Variants in PPFIA2 observed in about 807,000 individuals in gnomAD.
PPFIA2 encodes the protein liprin-alpha-2.
PPFIA2 carries 46 observed loss-of-function variants against 175.5 expected under a neutral mutation model. That is an observed-to-expected ratio of 0.26 (90% CI 0.21 to 0.34). The LOEUF is 0.34. Among genes scored for constraint, PPFIA2 ranks in the 10% least tolerant of loss-of-function variants. The pLI, the probability that PPFIA2 is intolerant of heterozygous loss-of-function variation, is 1.00. For synonymous variants in PPFIA2, 568 were observed against 511.4 expected, an observed-to-expected ratio of 1.11 and a Z score of -1.49; for missense variants, 1,179 against 1,506.1, an observed-to-expected ratio of 0.78 and a Z score of 3.60.
intron 4 of PPFIA2, among the ~76,000 whole-genome samples, chr12:81,593,857 T>G (rs563047462): frequency 6.6e-6 from 1 of 152,172 alleles, no homozygotes; most frequent in Admixed American, 6.5e-5. Flanking sequence ...AGATAATTTC[T>G]GTCATTTAAG....
chr12:81,470,521 C>T (rs758104783), intron 4 of PPFIA2, among the ~76,000 whole-genome samples: 7 of 152,080 alleles, frequency 4.6e-5, no homozygotes, highest in Admixed American at 6.6e-5. Flanking sequence ...GTTTCTCAAG[C>T]GGTAAAACAT....
At chr12:81,290,914 T>G (rs1441310339) in intron 24 of PPFIA2, among the ~76,000 whole-genome samples, 1 of 151,806 alleles carries the variant, frequency 6.6e-6, no homozygotes, top group Non-Finnish European at 1.5e-5. Flanking sequence ...ACTAGGAATT[T>G]GATTAAATAA....
At position 81,362,865 on chromosome 12, in the gene PPFIA2, T is replaced by A. The variant is rs549256757; in HGVS notation, c.1546-81A>T. 204 of 854,590 alleles carry A rather than the reference T, an allele frequency of 2.4e-4. No individual in the cohort carries two copies. In the African/African-American group the frequency reaches 2.9e-3, roughly 12 times the overall value. 52.9% of individuals were successfully genotyped at this position (854,590 alleles called of 1,614,324 possible). A position where few individuals can be genotyped will look rare whatever the true frequency, so the allele number is the denominator to read the frequency against. On this transcript the variant is annotated intron_variant, in intron 14 of 32. Transcript: ENST00000549396. Reference sequence around the variant, plus strand: ...ATAAATGAGTCTTAATGATTTTTTTTAAAAAGGAAAAACTGAGGATATATT... The same window carrying A: ...ATAAATGAGTCTTAATGATTTTTTTAAAAAAGGAAAAACTGAGGATATATT...
intron 7 of PPFIA2, among the ~76,000 whole-genome samples, chr12:81,422,641 A>G (rs1012140985): frequency 1.3e-5 from 2 of 152,128 alleles, no homozygotes; most frequent in African/African-American, 4.8e-5. Context: ...AGCTCTTATA[A>G]TAACCCTCAG....
At chr12:81,565,213 G>T (rs754252703) in intron 4 of PPFIA2, among the ~76,000 whole-genome samples, 2 of 152,166 alleles carry the variant, frequency 1.3e-5, no homozygotes, top group African/African-American at 2.4e-5. Flanking sequence ...TGAGGCAACA[G>T]TGATGACCTC....
At chr12:81,736,971 C>G (rs1352756745) in intron 3 of PPFIA2, among the ~76,000 whole-genome samples, 1 of 151,912 alleles carries the variant, frequency 6.6e-6, no homozygotes, top group Non-Finnish European at 1.5e-5. Context: ...TATCAGGCTA[C>G]TACATTTATC....
chr12:81,748,765 A>G (rs1439922557), intron 3 of PPFIA2, among the ~76,000 whole-genome samples: 3 of 144,804 alleles, frequency 2.1e-5, no homozygotes, highest in African/African-American at 7.3e-5. Flanking sequence ...GCAATGGATA[A>G]CTGATGAATA....
At chr12:81,745,918 G>A (rs763006993) in intron 3 of PPFIA2, among the ~76,000 whole-genome samples, 9 of 152,176 alleles carry the variant, frequency 5.9e-5, no homozygotes, top group Non-Finnish European at 1.3e-4. Flanking sequence ...TCTCATACAT[G>A]GAGTGGTAGA....
intron 4 of PPFIA2, among the ~76,000 whole-genome samples, chr12:81,658,268 C>CAA (rs1318255722): frequency 1.2e-4 from 14 of 114,520 alleles, no homozygotes; most frequent in African/African-American, 4.7e-4. Flanking sequence ...AACTCCATCT[C>CAA]AAAAAAAAAA....
At chr12:81,556,016 T>C (rs1811665467) in intron 4 of PPFIA2, among the ~76,000 whole-genome samples, 1 of 151,924 alleles carries the variant, frequency 6.6e-6, no homozygotes, top group Admixed American at 6.6e-5. Flanking sequence ...GAAATGTTTA[T>C]GTTTAAAAGC....
chr12:81,302,217 A>G (rs906089516), intron 22 of PPFIA2: 8 of 405,900 alleles, frequency 2.0e-5, no homozygotes, highest in African/African-American at 1.5e-4. Context: ...TGTATTTTAA[A>G]GAACAAATTT....
chr12:81,351,714 G>T (rs2060032212), intron 17 of PPFIA2, among the ~76,000 whole-genome samples: 2 of 149,412 alleles, frequency 1.3e-5, no homozygotes, highest in Admixed American at 1.3e-4. Context: ...CCTGGGCAAG[G>T]GAGACTATGT....
At chr12:81,693,174 G>T (rs1192828058) in intron 3 of PPFIA2, among the ~76,000 whole-genome samples, 1 of 152,028 alleles carries the variant, frequency 6.6e-6, no homozygotes, top group African/African-American at 2.4e-5. Context: ...GCATTATAAA[G>T]TGTATAAGAG....
chr12:81,605,962 T>G (rs181924608), intron 4 of PPFIA2, among the ~76,000 whole-genome samples: 15 of 151,968 alleles, frequency 9.9e-5, no homozygotes, highest in African/African-American at 3.4e-4. Flanking sequence ...CAACCCACGC[T>G]ACACTCCATC....
At chr12:81,512,392 A>C (rs1485394235) in intron 4 of PPFIA2, 3 of 1,280,614 alleles carry the variant, frequency 2.3e-6, no homozygotes, top group East Asian at 5.6e-5. Flanking sequence ...TCTACCTTCT[A>C]AACTTTGTGA....
chr12:81,452,149 T>C (rs1341523924), intron 5 of PPFIA2, among the ~76,000 whole-genome samples: 7 of 152,038 alleles, frequency 4.6e-5, no homozygotes, highest in East Asian at 3.9e-4. Context: ...TCATGCGTCA[T>C]TGGGAATTTT....
intron 3 of PPFIA2, among the ~76,000 whole-genome samples, chr12:81,691,121 C>T (rs991153949): frequency 1.3e-5 from 2 of 152,056 alleles, no homozygotes; most frequent in Non-Finnish European, 2.9e-5. Context: ...TGCAGCCTAC[C>T]ACAAGGGGTA....
intron 4 of PPFIA2, among the ~76,000 whole-genome samples, chr12:81,636,578 TAA>T (rs59088035): frequency 4.9e-5 from 7 of 142,832 alleles, no homozygotes; most frequent in African/African-American, 5.1e-5. Flanking sequence ...TCTCTGATAT[TAA>T]AAAAAAAAAA....
At chr12:81,439,489 AC>A (rs1201327392) in intron 7 of PPFIA2, among the ~76,000 whole-genome samples, 1 of 152,012 alleles carries the variant, frequency 6.6e-6, no homozygotes, top group African/African-American at 2.4e-5. Flanking sequence ...GATTGAAAAA[AC>A]TTTTTTGGGG....
Sources: allele counts gnomAD v4.1 joint callset (sites outside exome capture counted in the v4.1 genomes callset), GRCh38; gene constraint gnomAD v4.1.1; transcripts MANE v1.5; gene names NCBI Gene and HGNC (gene_info 2026-07-23, HGNC 2026-07-21).